Variants in LRRC4C observed in about 807,000 individuals in gnomAD.
LRRC4C encodes the protein leucine-rich repeat-containing protein 4C.
Under a neutral mutation model 33.6 loss-of-function variants are expected in LRRC4C, and 5 were observed. That is an observed-to-expected ratio of 0.15 (90% CI 0.08 to 0.31). The LOEUF (loss-of-function observed/expected upper bound fraction) is 0.31, where lower values mean the gene tolerates loss of function less well. Among genes scored for constraint, LRRC4C ranks in the 10% least tolerant of loss-of-function variants. The pLI is 1.00. For missense variants in LRRC4C, 560 were observed against 796.7 expected (o/e 0.70, Z 3.58); for synonymous variants, 329 against 302.0 (o/e 1.09, Z -0.93).
At chr11:41,105,289 T>C (rs576790589) in intron 1 of LRRC4C, among the ~76,000 whole-genome samples, 1 of 152,176 alleles carries the variant, frequency 6.6e-6, no homozygotes, top group Non-Finnish European at 1.5e-5. Context: ...CTATGCATTA[T>C]TCTGAATGCA....
intron 3 of LRRC4C, among the ~76,000 whole-genome samples, chr11:40,553,107 C>T (rs539106340): frequency 1.3e-5 from 2 of 152,122 alleles, no homozygotes; most frequent in African/African-American, 4.8e-5. Flanking sequence ...CCTGTCTCTA[C>T]TAAAAATACA....
chr11:41,064,486 T>C (rs958584350), intron 1 of LRRC4C, among the ~76,000 whole-genome samples: 1 of 152,224 alleles, frequency 6.6e-6, no homozygotes, highest in African/African-American at 2.4e-5. Context: ...CAGAGTACAC[T>C]GGAACAGCTG....
At chr11:40,901,552 A>G (rs549748968) in intron 2 of LRRC4C, among the ~76,000 whole-genome samples, 72 of 152,200 alleles carry the variant, frequency 4.7e-4, no homozygotes, top group Admixed American at 4.3e-3. Flanking sequence ...GTGTACCTCT[A>G]CCAGTTTTTT....
intron 1 of LRRC4C, among the ~76,000 whole-genome samples, chr11:41,356,467 A>T (rs914882525): frequency 1.8e-4 from 28 of 152,270 alleles, no homozygotes; most frequent in African/African-American, 6.0e-4. Flanking sequence ...CCACAGTGCC[A>T]TTGTGTAGGG....
At chr11:40,673,719 C>T (rs931791590) in intron 2 of LRRC4C, among the ~76,000 whole-genome samples, 2 of 152,164 alleles carry the variant, frequency 1.3e-5, no homozygotes, top group African/African-American at 4.8e-5. Context: ...TTAGTTCTAA[C>T]GGATGCCAGA....
intron 1 of LRRC4C, among the ~76,000 whole-genome samples, chr11:41,125,826 T>C (rs9787764): frequency 0.4 from 61,254 of 151,976 alleles, 13,316 homozygotes; most frequent in Middle Eastern, 0.53. Flanking sequence ...AGGATGGTTA[T>C]AAAATAATTG....
chr11:40,768,378 C>G (rs948904065), intron 2 of LRRC4C, among the ~76,000 whole-genome samples: 1 of 152,042 alleles, frequency 6.6e-6, no homozygotes, highest in African/African-American at 2.4e-5. Flanking sequence ...ATGAATTTTA[C>G]CAAACACTTA....
intron 3 of LRRC4C, among the ~76,000 whole-genome samples, chr11:40,603,998 G>A (rs550221751): frequency 2.8e-4 from 43 of 152,176 alleles, no homozygotes; most frequent in Admixed American, 5.2e-4. Context: ...CTGTATAGAC[G>A]TTGGGTCATA....
At chr11:40,339,443 G>A (rs1946769175) in intron 3 of LRRC4C, among the ~76,000 whole-genome samples, 1 of 152,210 alleles carries the variant, frequency 6.6e-6, no homozygotes, top group Non-Finnish European at 1.5e-5. Context: ...TCACAGGGGT[G>A]TTGTATGAAT....
intron 1 of LRRC4C, among the ~76,000 whole-genome samples, chr11:41,021,225 G>GTC (rs1855960908): frequency 8.4e-6 from 1 of 118,358 alleles, no homozygotes; most frequent in Admixed American, 8.5e-5. Context: ...GTGTGTGTGT[G>GTC]TGTGTGTTTA....
chr11:41,409,239 A>G (rs10501263), intron 1 of LRRC4C, among the ~76,000 whole-genome samples: 11,887 of 152,268 alleles, frequency 0.078, 1,524 homozygotes, highest in African/African-American at 0.27. Context: ...CTCTAAAGTC[A>G]GCAAAATGTC....
At chr11:40,157,223 CT>C (rs1403159546) in intron 5 of LRRC4C, among the ~76,000 whole-genome samples, 1 of 152,156 alleles carries the variant, frequency 6.6e-6, no homozygotes, top group Non-Finnish European at 1.5e-5. Context: ...GAGAATGAAA[CT>C]GGATCCTCAT....
chr11:40,319,894 G>A (rs2136839951), intron 3 of LRRC4C, among the ~76,000 whole-genome samples, 173 bp from the exon 4 acceptor site: 1 of 151,428 alleles, frequency 6.6e-6, no homozygotes, highest in East Asian at 1.9e-4. Flanking sequence ...TCAAGACATG[G>A]GTAAACTATA....
intron 1 of LRRC4C, among the ~76,000 whole-genome samples, chr11:41,216,254 G>A (rs1947056771): frequency 6.6e-6 from 1 of 151,216 alleles, no homozygotes; most frequent in African/African-American, 2.4e-5. Flanking sequence ...ACATTACAGG[G>A]AATTTAGGAC....
At chr11:40,189,422 T>G (rs149294752) in intron 5 of LRRC4C, among the ~76,000 whole-genome samples, 1 of 152,186 alleles carries the variant, frequency 6.6e-6, no homozygotes, top group Non-Finnish European at 1.5e-5. Context: ...CCTATTTGCT[T>G]TGGTTTTATA....
intron 3 of LRRC4C, among the ~76,000 whole-genome samples, chr11:40,540,504 T>C (rs1160380837): frequency 6.6e-6 from 1 of 152,146 alleles, no homozygotes; most frequent in Admixed American, 6.5e-5. Context: ...CCAAATATTT[T>C]ATAAATTGTA....
At chr11:40,599,045 G>GA (rs1243760217) in intron 3 of LRRC4C, among the ~76,000 whole-genome samples, 3 of 151,808 alleles carry the variant, frequency 2.0e-5, no homozygotes, top group Admixed American at 2.0e-4. Flanking sequence ...CTTCTTTTTT[G>GA]TTTTTTGAAA....
At chr11:40,396,478 A>C (rs1430952888) in intron 3 of LRRC4C, among the ~76,000 whole-genome samples, 1 of 152,150 alleles carries the variant, frequency 6.6e-6, no homozygotes, top group Non-Finnish European at 1.5e-5. Context: ...CCTTCAGAGG[A>C]GTCCATGTAA....
At chr11:41,141,574 T>A (rs1469672832) in intron 1 of LRRC4C, among the ~76,000 whole-genome samples, 1 of 152,124 alleles carries the variant, frequency 6.6e-6, no homozygotes, top group Non-Finnish European at 1.5e-5. Flanking sequence ...CCAGTGGAGA[T>A]AATTGAATCG....
Sources: allele counts gnomAD v4.1 joint callset (sites outside exome capture counted in the v4.1 genomes callset), GRCh38; gene constraint gnomAD v4.1.1; transcripts MANE v1.5; gene names NCBI Gene and HGNC (gene_info 2026-07-23, HGNC 2026-07-21).